Variants in COL5A1 observed in about 807,000 individuals in gnomAD.
COL5A1 encodes the protein collagen alpha-1(V) chain.
A neutral mutation model predicts 263.7 loss-of-function variants in COL5A1; 16 were observed. The ratio of observed to expected loss-of-function variants is 0.06; its 90% confidence interval spans 0.04 to 0.09. COL5A1 has a LOEUF of 0.09. COL5A1 is among the 10% of genes least tolerant of loss of function. The pLI, the probability that COL5A1 is intolerant of heterozygous loss-of-function variation, is 1.00. For synonymous variants in COL5A1, 1,012 were observed against 1,004.5 expected, an observed-to-expected ratio of 1.01 and a Z score of -0.14; for missense variants, 2,036 against 2,540.5, an observed-to-expected ratio of 0.80 and a Z score of 4.27.
chr9:134,720,946 G>A (rs908271780), intron 4 of COL5A1, among the ~76,000 whole-genome samples: 2 of 152,234 alleles, frequency 1.3e-5, no homozygotes, highest in East Asian at 1.9e-4. Context: ...AGGCCTGGCT[G>A]CATCTTAGAA....
At chr9:134,829,462 C>T (rs544521102) in intron 63 of COL5A1, among the ~76,000 whole-genome samples, 105 of 147,008 alleles carry the variant, frequency 7.1e-4, no homozygotes, top group South Asian at 1.9e-3. Flanking sequence ...ACGCGGCCTC[C>T]GGTCTCCCCG....
At chr9:134,807,444 C>G (rs1038436028) in intron 42 of COL5A1, among the ~76,000 whole-genome samples, 1 of 152,230 alleles carries the variant, frequency 6.6e-6, no homozygotes, top group Admixed American at 6.5e-5. Flanking sequence ...CAGATGTGTG[C>G]TACCACACCC....
At chr9:134,838,310 C>G (rs1008165688) in intron 65 of COL5A1, among the ~76,000 whole-genome samples, 1 of 152,140 alleles carries the variant, frequency 6.6e-6, no homozygotes, top group Non-Finnish European at 1.5e-5. Flanking sequence ...GCAAAATCTC[C>G]CCCATGGAGA....
In COL5A1 at chr9:134,796,701, G is replaced by A. The variant is rs971585385; in HGVS notation, c.2845-147G>A. On this transcript the variant is annotated intron_variant, in intron 35 of 65. Transcript: ENST00000371817. ...TGCCCCCGAGGGTGAGGCAGGGTGAGGGAGGGGCTGGAATAATGGAGGAAA... is the reference window on the plus strand; with the variant it reads ...TGCCCCCGAGGGTGAGGCAGGGTGAAGGAGGGGCTGGAATAATGGAGGAAA... 7.2e-6 allele frequency: 6 copies of A among 829,944 alleles called. No individual in the cohort carries two copies. In the African/African-American group the frequency reaches 1.0e-4, roughly 14 times the overall value. 51.4% of individuals were successfully genotyped at this position (829,944 alleles called of 1,614,324 possible).
At chr9:134,759,458 T>TACATGCACGCACACACACCCAC (rs1836157220) in intron 18 of COL5A1, among the ~76,000 whole-genome samples, 5 of 49,010 alleles carry the variant, frequency 1.0e-4, no homozygotes, top group Non-Finnish European at 1.4e-4. Context: ...CACACACTCA[T>TACATGCACGCACACACACCCAC]ACATGCACGC....
rs766076195 is a variant in COL5A1, at chr9:134,677,877, G to A, written c.110-13035G>A. On this transcript the variant is annotated intron_variant, in intron 1 of 65. Coordinates refer to ENST00000371817, the MANE Select transcript of COL5A1 (RefSeq NM_000093.5). The surrounding 1 kb of genome is among the most constrained non-coding windows in gnomAD (Gnocchi z 4.4). ...GGAACGCCCCATGGCATGGTTCCAC[G>A]GGAGGGGCATCTTCTGCCTGGCCCT... is the stretch of plus-strand genomic sequence containing the variant. 5.3e-5 allele frequency among the ~76,000 whole-genome samples: 8 copies of A among 152,200 alleles called. No homozygotes were observed. The highest frequency in any genetic ancestry group is 9.6e-5 in the African/African-American group (4 of 41,452).
At chr9:134,737,751 C>T (rs1474646933) in intron 9 of COL5A1, among the ~76,000 whole-genome samples, 2 of 152,178 alleles carry the variant, frequency 1.3e-5, no homozygotes, top group Non-Finnish European at 2.9e-5. Flanking sequence ...GTCCACATTG[C>T]CTTTCCCAGG....
In COL5A1 at chr9:134,821,660, G is replaced by A. The variant is rs1304456552; in HGVS notation, c.4555-437G>A. 2.6e-5 allele frequency among the ~76,000 whole-genome samples: 4 copies of A among 152,230 alleles called. No individual in the cohort carries two copies. Among genetic ancestry groups the A allele is most frequent in the Non-Finnish European group, 2.9e-5 (2 of 68,046 alleles). On this transcript the variant is annotated intron_variant, in intron 58 of 65. Coordinates refer to ENST00000371817, the MANE Select transcript of COL5A1 (RefSeq NM_000093.5). The surrounding 1 kb of genome is among the most constrained non-coding windows in gnomAD (Gnocchi z 4.2). ...ACAGGCAGGACAGGACAGTCAGCATGGATGGGACTCCCTGCCCAACCCCTC... is the reference window on the plus strand; with the variant it reads ...ACAGGCAGGACAGGACAGTCAGCATAGATGGGACTCCCTGCCCAACCCCTC...
chr9:134,705,000 G>A (rs1158665109), intron 4 of COL5A1, among the ~76,000 whole-genome samples: 1 of 152,112 alleles, frequency 6.6e-6, no homozygotes, highest in Non-Finnish European at 1.5e-5. Flanking sequence ...AAAAATGAGG[G>A]GCTGGCACTG....
At position 134,834,968 on chromosome 9, in the gene COL5A1, C is replaced by A; in HGVS notation, c.5137-3C>A. ...CTGAGCCCCAACACCCCTGTCCCCCCAGCTCTCCTATGTGGACGCCGAGGG... is the reference window on the plus strand; with the variant it reads ...CTGAGCCCCAACACCCCTGTCCCCCAAGCTCTCCTATGTGGACGCCGAGGG... On this transcript the variant is annotated splice_region_variant and splice_polypyrimidine_tract_variant and intron_variant, in intron 64 of 65. Transcript: ENST00000371817. 6.2e-7 allele frequency: 1 copy of A among 1,610,338 alleles called. No homozygotes were observed. Among genetic ancestry groups the A allele is most frequent in the Non-Finnish European group, 8.5e-7 (1 of 1,177,594 alleles).
At chr9:134,816,931 C>A (rs1257087441) in intron 52 of COL5A1, 95 bp from the exon 53 acceptor site, 6 of 1,159,792 alleles carry the variant, frequency 5.2e-6, no homozygotes, top group Admixed American at 3.4e-5. Flanking sequence ...CAGGGCTGGC[C>A]GAGGAGTAAA....
intron 2 of COL5A1, among the ~76,000 whole-genome samples, chr9:134,695,459 G>T (rs1294053396): frequency 6.6e-6 from 1 of 152,158 alleles, no homozygotes; most frequent in Non-Finnish European, 1.5e-5. Flanking sequence ...GGACGAGGGT[G>T]GCAGGGACGG....
intron 1 of COL5A1, among the ~76,000 whole-genome samples, chr9:134,685,451 T>A (rs796701905): frequency 0.046 from 54 of 1,164 alleles, no homozygotes; most frequent in Non-Finnish European, 0.065. Context: ...TTGTCCATCA[T>A]CCATCCATCC....
At chr9:134,661,011 C>T (rs1041459192) in intron 1 of COL5A1, among the ~76,000 whole-genome samples, 1 of 151,918 alleles carries the variant, frequency 6.6e-6, no homozygotes, top group Non-Finnish European at 1.5e-5. Flanking sequence ...GAACCATGCA[C>T]CTGGGTTCTT....
At chr9:134,827,076 G>A (rs931158467) in intron 63 of COL5A1, among the ~76,000 whole-genome samples, 9 of 152,176 alleles carry the variant, frequency 5.9e-5, no homozygotes, top group African/African-American at 2.2e-4. Context: ...GTTGTCGCGT[G>A]GCCCCAGGCA....
At chr9:134,792,870 C>T (rs1271226915) in intron 32 of COL5A1, among the ~76,000 whole-genome samples, 11 of 32,514 alleles carry the variant, frequency 3.4e-4, no homozygotes, top group African/African-American at 7.5e-4. Flanking sequence ...TGTGTGCGCG[C>T]GTTTGTGCAC....
Position 134,815,580 on chromosome 9 carries a change from C to T in COL5A1, c.4019C>T (p.Pro1340Leu). 6.2e-7 allele frequency: 1 copy of T among 1,613,586 alleles called. No individual in the cohort carries two copies. Among genetic ancestry groups the T allele is most frequent in the Non-Finnish European group, 8.5e-7 (1 of 1,179,858 alleles). Residue 1340 changes from proline (P) to leucine (L), a missense_variant, in exon 51 of 66, where the codon CCA (proline) becomes CTA (leucine). Transcript: ENST00000371817. ...TTCCTTCTTTCTTCCTTTCAGGGCCCAGTGGGTTTTCCTGGAGATCCTGGC... is the reference window on the plus strand; with the variant it reads ...TTCCTTCTTTCTTCCTTTCAGGGCCTAGTGGGTTTTCCTGGAGATCCTGGC... ...GDDGPKGSPG[P>L]VGFPGDPGPP...
chr9:134,789,265 A>G lies in COL5A1; in HGVS notation c.2700+57A>G. 6.9e-7 allele frequency: 1 copy of G among 1,458,032 alleles called. No individual in the cohort carries two copies. The highest frequency in any genetic ancestry group is 1.4e-5 in the African/African-American group (1 of 71,924). 90.3% of individuals were successfully genotyped at this position (1,458,032 alleles called of 1,614,324 possible). A position where few individuals can be genotyped will look rare whatever the true frequency, so the allele number is the denominator to read the frequency against. ...TTGTTCGGCTGCCTCGGTGCCTAGC[A>G]AGTTGGTTCTCCAGCCGACGGCCTG... is the stretch of plus-strand genomic sequence containing the variant. On this transcript the variant is annotated intron_variant, in intron 32 of 65. Coordinates refer to ENST00000371817, the MANE Select transcript of COL5A1 (RefSeq NM_000093.5). The surrounding 1 kb of genome is among the most constrained non-coding windows in gnomAD (Gnocchi z 4.8).
In COL5A1 at chr9:134,730,228, G is replaced by C; in HGVS notation, c.925-8G>C. ...CTGACTCCAGCTGTCTCTGTCCTTG[G>C]CTCCCAGGAGCTGACCCCGACCCCC... On this transcript the variant is annotated splice_polypyrimidine_tract_variant and splice_region_variant and intron_variant, in intron 6 of 65. Transcript: ENST00000371817. 1 of 1,612,976 alleles carries C rather than the reference G, an allele frequency of 6.2e-7. No individual in the cohort carries two copies. The highest frequency in any genetic ancestry group is 8.5e-7 in the Non-Finnish European group (1 of 1,179,972).
Sources: gnomAD v4.1 joint callset for allele counts (sites outside exome capture counted in the v4.1 genomes callset) on GRCh38, gnomAD v4.1.1 for gene constraint, Gnocchi (gnomAD v3.1) non-coding constraint, MANE v1.5 for transcripts, NCBI Gene and HGNC (gene_info 2026-07-23, HGNC 2026-07-21) for gene names.